MAP3K5: variants seen among roughly 807,000 people sequenced by gnomAD.
MAP3K5 encodes mitogen-activated protein kinase kinase kinase 5.
In MAP3K5, 56 loss-of-function variants were observed where a neutral mutation model predicts 158.7. The observed-to-expected ratio is 0.35, with a 90% CI of 0.28 to 0.44. The LOEUF (loss-of-function observed/expected upper bound fraction) is 0.44, where lower values mean the gene tolerates loss of function less well. Among genes scored for constraint, MAP3K5 ranks in the 20% least tolerant of loss-of-function variants. MAP3K5 has a pLI of 1.00. For synonymous variants in MAP3K5, 579 were observed against 601.7 expected, an observed-to-expected ratio of 0.96 and a Z score of 0.55; for missense variants, 1,294 against 1,674.8, an observed-to-expected ratio of 0.77 and a Z score of 3.97.
At chr6:136,597,740 G>A (rs1275264592) in intron 21 of MAP3K5, among the ~76,000 whole-genome samples, 2 of 152,216 alleles carry the variant, frequency 1.3e-5, no homozygotes, top group African/African-American at 4.8e-5. Flanking sequence ...AGTGCCAAGT[G>A]CATAGCAGAG....
intron 21 of MAP3K5, chr6:136,592,901 A>G: frequency 2.1e-6 from 1 of 469,220 alleles, no homozygotes; most frequent in Non-Finnish European, 4.1e-6. Flanking sequence ...TGAGGGTCTG[A>G]TCCCCTCATT....
intron 3 of MAP3K5, among the ~76,000 whole-genome samples, chr6:136,704,041 T>C (rs1780965043): frequency 6.6e-6 from 1 of 151,586 alleles, no homozygotes. Flanking sequence ...ATAATTCTTC[T>C]TCACGCAGCA....
intron 18 of MAP3K5, 70 bp downstream of exon 18, chr6:136,611,212 A>G: frequency 1.2e-6 from 1 of 859,928 alleles, no homozygotes; most frequent in South Asian, 1.6e-5. Context: ...TTTCTCTCTC[A>G]CATTGTGCTC....
rs1201751600 is a variant in MAP3K5 at position 136,557,535 on chromosome 6, T to G, written c.*223A>C. 6.8e-6 allele frequency: 3 copies of G among 443,990 alleles called. No individual in the cohort carries two copies. The highest frequency in any genetic ancestry group is 1.2e-5 in the Non-Finnish European group (3 of 248,838). The allele number at this position is 443,990 out of a possible 1,614,324, so 27.5% of individuals were successfully genotyped here. A position where few individuals can be genotyped will look rare whatever the true frequency, so the allele number is the denominator to read the frequency against. ...ACATTAGGGTTCTAATGTTCAGGATTATTTTAAGAGTCCTTATGAAGAGTC... is the reference window on the plus strand; with the variant it reads ...ACATTAGGGTTCTAATGTTCAGGATGATTTTAAGAGTCCTTATGAAGAGTC... On this transcript the variant is annotated 3_prime_UTR_variant, in exon 30 of 30. Coordinates refer to ENST00000359015, the MANE Select transcript of MAP3K5 (RefSeq NM_005923.4).
rs1196844909 is a variant in MAP3K5, at chr6:136,656,427, T to A, written c.1560A>T (p.Ile520=). 1.2e-6 allele frequency: 2 copies of A among 1,602,960 alleles called. No individual in the cohort carries two copies. The highest frequency in any genetic ancestry group is 3.5e-5 in the Admixed American group (2 of 57,216). ...TGGTCAGTTTCACAAAATGCTTATA[T>A]ATTAAAATTGTCTCTACAATAGACT... ...YLKSIVETIL[I]YKHFVKLTTE... The change falls in exon 10 of 30, where the codon ATA becomes ATT. Residue 520 remains isoleucine, a synonymous_variant. Coordinates refer to ENST00000359015, the MANE Select transcript of MAP3K5 (RefSeq NM_005923.4).
intron 1 of MAP3K5, 41 bp downstream of exon 1, chr6:136,791,669 G>C: frequency 6.3e-7 from 1 of 1,598,988 alleles, no homozygotes; most frequent in South Asian, 1.1e-5. Flanking sequence ...ATTAAACGCG[G>C]GTCCCGACCG....
At chr6:136,576,060 G>T (rs562045194) in intron 25 of MAP3K5, among the ~76,000 whole-genome samples, 2 of 151,954 alleles carry the variant, frequency 1.3e-5, no homozygotes, top group East Asian at 3.9e-4. Context: ...TTTATCAGTC[G>T]CAATTCTACT....
At chr6:136,786,681 G>GT (rs1287847591) in intron 1 of MAP3K5, among the ~76,000 whole-genome samples, 1 of 151,652 alleles carries the variant, frequency 6.6e-6, no homozygotes, top group Non-Finnish European at 1.5e-5. Context: ...TAGTTAAATA[G>GT]TAAACAGATC....
intron 18 of MAP3K5, among the ~76,000 whole-genome samples, chr6:136,610,048 C>T (rs1423530642): frequency 6.6e-6 from 1 of 152,098 alleles, no homozygotes; most frequent in African/African-American, 2.4e-5. Context: ...GGAGGTACTC[C>T]CACCTACCTC....
chr6:136,706,184 T>C lies in MAP3K5; in HGVS notation c.589-1051A>G, dbSNP rs577570344. ...AGGAGGCTGAGGCAGGAGAATCACT[T>C]GAATCCAAGAGGCGGAGGCTGCGGC... On this transcript the variant is annotated intron_variant, in intron 2 of 29. Transcript: ENST00000359015. Among the ~76,000 whole-genome samples, 12 of 152,068 alleles carry C rather than the reference T, an allele frequency of 7.9e-5. No individual in the cohort carries two copies. In the South Asian group the frequency reaches 2.5e-3, roughly 32 times the overall value.
intron 1 of MAP3K5, among the ~76,000 whole-genome samples, chr6:136,752,385 G>A (rs1045980989): frequency 6.6e-6 from 1 of 152,112 alleles, no homozygotes; most frequent in Non-Finnish European, 1.5e-5. Context: ...GGGAAGGTGG[G>A]TCATATCTGC....
intron 14 of MAP3K5, chr6:136,629,183 ACGAAGT>A (rs1406175652): frequency 6.6e-6 from 1 of 152,190 alleles, no homozygotes; most frequent in African/African-American, 2.4e-5. Context: ...AGGCCAAACA[ACGAAGT>A]GGTGACTCAC....
chr6:136,626,267 T>C (rs1378227597), intron 14 of MAP3K5, among the ~76,000 whole-genome samples: 1 of 152,094 alleles, frequency 6.6e-6, no homozygotes, highest in African/African-American at 2.4e-5. Flanking sequence ...AGGGCTGGAG[T>C]GAGCACTGGC....
intron 23 of MAP3K5, among the ~76,000 whole-genome samples, chr6:136,585,112 T>G (rs1017340511): frequency 1.6e-5 from 2 of 121,362 alleles, no homozygotes; most frequent in African/African-American, 5.4e-5. Context: ...TTTGTTTTTT[T>G]TTTTTTGTTT....
At chr6:136,675,311 A>T (rs760592309) in intron 7 of MAP3K5, among the ~76,000 whole-genome samples, 10 of 152,072 alleles carry the variant, frequency 6.6e-5, no homozygotes, top group Middle Eastern at 6.3e-3. Context: ...GAGGATATAG[A>T]TTTGAATAAC....
chr6:136,687,798 T>A (rs962234751), intron 7 of MAP3K5, among the ~76,000 whole-genome samples: 1 of 152,064 alleles, frequency 6.6e-6, no homozygotes, highest in Non-Finnish European at 1.5e-5. Flanking sequence ...TGTGGAGAAA[T>A]AAGAACTTTT....
intron 8 of MAP3K5, among the ~76,000 whole-genome samples, chr6:136,668,831 G>T (rs2114521136): frequency 6.6e-6 from 1 of 152,210 alleles, no homozygotes. Context: ...GGGGCTTTGG[G>T]AGGCTCTTCC....
intron 11 of MAP3K5, among the ~76,000 whole-genome samples, chr6:136,644,679 G>A (rs994571415): frequency 1.3e-5 from 2 of 152,178 alleles, no homozygotes; most frequent in African/African-American, 4.8e-5. Flanking sequence ...CCCAGGTTCA[G>A]GTGGCAATGT....
chr6:136,746,868 T>C (rs1782984790), intron 1 of MAP3K5, among the ~76,000 whole-genome samples: 1 of 152,250 alleles, frequency 6.6e-6, no homozygotes, highest in South Asian at 2.1e-4. Flanking sequence ...CTTGTTAGAA[T>C]ATTCAAATTC....
Sources: allele counts gnomAD v4.1 joint callset (sites outside exome capture counted in the v4.1 genomes callset), GRCh38; gene constraint gnomAD v4.1.1; transcripts MANE v1.5; gene names NCBI Gene and HGNC (gene_info 2026-07-23, HGNC 2026-07-21).